Variants in TERF1 observed in about 807,000 individuals in gnomAD.
TERF1 encodes telomeric repeat-binding factor 1.
Under a neutral mutation model 55.1 loss-of-function variants are expected in TERF1, and 20 were observed. The ratio of observed to expected loss-of-function variants is 0.36; its 90% CI spans 0.26 to 0.53. TERF1 has a LOEUF of 0.53. TERF1 is among the 20% of genes least tolerant of loss of function. The pLI is 0.91. For missense variants in TERF1, 439 were observed against 535.7 expected (o/e 0.82, Z 1.78); for synonymous variants, 168 against 181.2 (o/e 0.93, Z 0.59).
intron 9 of TERF1, among the ~76,000 whole-genome samples, chr8:73,043,633 C>T (rs1241316973): frequency 1.3e-5 from 2 of 152,280 alleles, no homozygotes; most frequent in East Asian, 3.9e-4. Flanking sequence ...TTGGCAGTGG[C>T]TTGCTGTCCC....
rs557459609 is a variant in TERF1, at chr8:73,021,457, C to CTA, written c.537+653_537+654dup. ...CATGTTATTGCAATCTTTTAGGCTG[C>CTA]TAGAGAAAGCAAGTCTTTCTTAATA... On this transcript the variant is annotated intron_variant, in intron 3 of 9. Transcript: ENST00000276603. Among the ~76,000 whole-genome samples the CTA allele has an allele frequency of 2.0e-5, 3 of 152,230 alleles. No individual in the cohort carries two copies. The East Asian group carries it at 5.8e-4, about 29-fold the overall frequency.
chr8:73,039,174 G>A lies in TERF1; in HGVS notation c.1098G>A (p.Lys366=), dbSNP rs199829012. The A allele has an allele frequency of 8.7e-5, 139 of 1,605,852 alleles. No homozygotes were observed. Among genetic ancestry groups the A allele is most frequent in the Non-Finnish European group, 1.1e-4 (129 of 1,176,694 alleles). The change falls in exon 9 of 10, where the codon AAG becomes AAA. Residue 366 remains lysine (K), a synonymous_variant. Transcript: ENST00000276603. ...RATESRIPVS[K]SQPVTPEKHR... ...CTGAAAGCAGAATACCTGTTTCAAA[G>A]AGTCAGCCGGTAACTCCTGAAAAAC...
At chr8:73,042,497 A>G (rs866410957) in intron 9 of TERF1, among the ~76,000 whole-genome samples, 1 of 152,020 alleles carries the variant, frequency 6.6e-6, no homozygotes, top group African/African-American at 2.4e-5. Flanking sequence ...GCCCATGTCT[A>G]CTTGGACAGT....
At chr8:73,025,071 T>G in intron 5 of TERF1, 100 bp downstream of exon 5, 1 of 791,144 alleles carries the variant, frequency 1.3e-6, no homozygotes, top group Non-Finnish European at 1.8e-6. Context: ...TAATCAGAAT[T>G]TTTCATTGTG....
intron 8 of TERF1, among the ~76,000 whole-genome samples, chr8:73,035,888 T>C (rs1219247493): frequency 6.6e-6 from 1 of 152,206 alleles, no homozygotes; most frequent in Non-Finnish European, 1.5e-5. Context: ...TGTTTTGGTG[T>C]TCCATATTGT....
intron 1 of TERF1, 67 bp from the exon 2 acceptor site, chr8:73,013,828 C>G: frequency 1.0e-6 from 1 of 957,398 alleles, no homozygotes; most frequent in Middle Eastern, 2.2e-4. Flanking sequence ...TATTACTCAA[C>G]AAACCACACA....
intron 9 of TERF1, among the ~76,000 whole-genome samples, chr8:73,041,553 G>A (rs56038471): frequency 1.2e-3 from 178 of 152,290 alleles, no homozygotes; most frequent in African/African-American, 4.0e-3. Flanking sequence ...GAGAGGGGTG[G>A]AGTTGAGTAT....
chr8:73,042,835 A>G (rs1179106492), intron 9 of TERF1: 1 of 152,168 alleles, frequency 6.6e-6, no homozygotes, highest in Admixed American at 6.6e-5. Context: ...GGCTATTGGC[A>G]TGGCTGGGGT....
intron 3 of TERF1, among the ~76,000 whole-genome samples, chr8:73,021,655 C>T (rs1316760785): frequency 6.6e-6 from 1 of 152,036 alleles, no homozygotes; most frequent in Non-Finnish European, 1.5e-5. Context: ...GTAACTGGGA[C>T]ACCAAGAGGT....
chr8:73,039,182 C>T lies in TERF1; in HGVS notation c.1106C>T (p.Pro369Leu), dbSNP rs148824563. 319 of 1,604,310 alleles carry T rather than the reference C, an allele frequency of 2.0e-4. No individual in the cohort carries two copies. The highest frequency in any genetic ancestry group is 3.9e-4 in the Admixed American group (23 of 58,802). ...AGAATACCTGTTTCAAAGAGTCAGC[C>T]GGTAACTCCTGAAAAACATCGAGCT... is the stretch of plus-strand genomic sequence containing the variant. ...ESRIPVSKSQ[P>L]VTPEKHRARK... is the part of the protein sequence containing the mutation. The change falls in exon 9 of 10, where the codon CCG becomes CTG. Residue 369 changes from proline (P) to leucine (L), a missense_variant. Transcript: ENST00000276603.
intron 9 of TERF1, among the ~76,000 whole-genome samples, chr8:73,041,550 G>A (rs1313776966): frequency 2.0e-5 from 3 of 152,178 alleles, no homozygotes; most frequent in Non-Finnish European, 4.4e-5. Flanking sequence ...CTAGAGAGGG[G>A]TGGAGTTGAG....
intron 8 of TERF1, among the ~76,000 whole-genome samples, chr8:73,032,636 CA>C (rs928836912): frequency 5.9e-5 from 9 of 151,970 alleles, no homozygotes; most frequent in African/African-American, 2.2e-4. Context: ...CACATAAGGA[CA>C]AAATCACCCA....
chr8:73,028,545 T>C (rs1267386330), intron 6 of TERF1, among the ~76,000 whole-genome samples: 3 of 150,928 alleles, frequency 2.0e-5, no homozygotes, highest in Admixed American at 6.6e-5. Flanking sequence ...TTTATTGGCA[T>C]GGCTTATAAA....
rs755193868 is a variant in TERF1, at chr8:73,027,072, T to A, written c.887+20T>A. On this transcript the variant is annotated intron_variant, in intron 6 of 9. Transcript: ENST00000276603. ...AAAAAGGTTTGTAATTTAATCAATT[T>A]GTATATTTTTTGTTTTATGAATGTT... 2.6e-6 allele frequency: 4 copies of A among 1,560,206 alleles called. No homozygotes were observed. The highest frequency in any genetic ancestry group is 3.5e-6 in the Non-Finnish European group (4 of 1,145,510).
chr8:73,040,418 T>C (rs1809783891), intron 9 of TERF1, among the ~76,000 whole-genome samples: 1 of 152,232 alleles, frequency 6.6e-6, no homozygotes, highest in African/African-American at 2.4e-5. Flanking sequence ...TGTAAATTTC[T>C]CTTAACTTTT....
At chr8:73,022,388 ATGCTT>A in intron 4 of TERF1, 86 bp downstream of exon 4, 1 of 776,726 alleles carries the variant, frequency 1.3e-6, no homozygotes, top group Non-Finnish European at 2.0e-6. Flanking sequence ...GAGAAAAGAA[ATGCTT>A]TATCTTTTAA....
In TERF1 at chr8:73,013,940, C is replaced by T. The variant is rs774290316; in HGVS notation, c.365C>T (p.Thr122Met). The change falls in exon 2 of 10, where the codon ACG (threonine) becomes ATG (methionine). Residue 122 changes from threonine (T) to methionine (M), a missense_variant. By Grantham distance (81) the Thr-to-Met change is moderately conservative. Transcript: ENST00000276603. ...AGTCTAACAGCTTGCCAGTTGAGAACGATATACATATGTCAGTTTTTGACA... is the reference window on the plus strand; with the variant it reads ...AGTCTAACAGCTTGCCAGTTGAGAATGATATACATATGTCAGTTTTTGACA... Reference protein sequence around the residue: ...LSSLTACQLRTIYICQFLTRI... With the variant: ...LSSLTACQLRMIYICQFLTRI... The T allele has an allele frequency of 5.0e-6, 8 of 1,610,760 alleles. No homozygotes were observed. Among genetic ancestry groups the T allele is most frequent in the Non-Finnish European group, 6.8e-6 (8 of 1,179,278 alleles).
intron 1 of TERF1, chr8:73,009,494 G>T: frequency 2.6e-6 from 1 of 379,156 alleles, no homozygotes; most frequent in East Asian, 5.1e-5. Flanking sequence ...ACTCAACCCA[G>T]TACCTTTGTC....
At chr8:73,009,990 T>C (rs1563452859) in intron 1 of TERF1, 1 of 151,822 alleles carries the variant, frequency 6.6e-6, no homozygotes, top group Non-Finnish European at 1.5e-5. Context: ...GCTTCTGGAG[T>C]AGCTGGGTCT....
Sources: gnomAD v4.1 joint callset for allele counts (sites outside exome capture counted in the v4.1 genomes callset) on GRCh38, gnomAD v4.1.1 for gene constraint, MANE v1.5 for transcripts, NCBI Gene and HGNC (gene_info 2026-07-23, HGNC 2026-07-21) for gene names.